The following COX7B2 variants were observed in gnomAD, a reference collection of about 807,000 sequenced individuals.
The protein encoded by COX7B2 is cytochrome c oxidase subunit 7B2, mitochondrial.
For synonymous variants in COX7B2, 37 were observed against 32.1 expected (o/e 1.15, Z -0.51); for missense variants, 109 against 95.9 (o/e 1.14, Z -0.57).
chr4:46,825,271 C>G (rs777055691), intron 2 of COX7B2, among the ~76,000 whole-genome samples: 3 of 152,004 alleles, frequency 2.0e-5, no homozygotes, highest in Non-Finnish European at 4.4e-5. Context: ...GAAAGGCAAT[C>G]CCATTCACAA....
At chr4:46,794,938 G>A (rs977974056) in intron 2 of COX7B2, among the ~76,000 whole-genome samples, 15 of 152,294 alleles carry the variant, frequency 9.8e-5, no homozygotes, top group Admixed American at 8.5e-4. Context: ...GCCCCTCAGT[G>A]AATTCCCAGA....
intron 2 of COX7B2, among the ~76,000 whole-genome samples, chr4:46,754,119 T>C (rs1384809208): frequency 6.6e-6 from 1 of 152,152 alleles, no homozygotes; most frequent in Non-Finnish European, 1.5e-5. Context: ...TTGGTGGGAC[T>C]GTAAACTAGT....
At chr4:46,868,252 T>C (rs1717788803) in intron 1 of COX7B2, among the ~76,000 whole-genome samples, 1 of 152,188 alleles carries the variant, frequency 6.6e-6, no homozygotes, top group Admixed American at 6.5e-5. Flanking sequence ...ATTGTGTTTA[T>C]GTGGATCTTC....
At chr4:46,869,245 T>C (rs1344351333) in intron 1 of COX7B2, among the ~76,000 whole-genome samples, 1 of 152,188 alleles carries the variant, frequency 6.6e-6, no homozygotes, top group Admixed American at 6.5e-5. Flanking sequence ...CATCCCTTTA[T>C]TTTGAGCCTA....
At chr4:46,879,669 T>G (rs1718582529) in intron 1 of COX7B2, among the ~76,000 whole-genome samples, 1 of 151,984 alleles carries the variant, frequency 6.6e-6, no homozygotes, top group Non-Finnish European at 1.5e-5. Flanking sequence ...TCAATACATT[T>G]ATTGTACCGC....
chr4:46,872,574 G>A (rs1423237249), intron 1 of COX7B2, among the ~76,000 whole-genome samples: 1 of 152,144 alleles, frequency 6.6e-6, no homozygotes, highest in Non-Finnish European at 1.5e-5. Flanking sequence ...GGGCTTACCT[G>A]TCCTTCATCA....
intron 1 of COX7B2, among the ~76,000 whole-genome samples, chr4:46,860,955 C>T (rs1313082874): frequency 6.6e-6 from 1 of 152,050 alleles, no homozygotes; most frequent in East Asian, 1.9e-4. Context: ...GGTGAGGGGA[C>T]CCTCACTGGC....
intron 2 of COX7B2, among the ~76,000 whole-genome samples, chr4:46,819,419 C>G: frequency 6.6e-6 from 1 of 151,964 alleles, no homozygotes; most frequent in East Asian, 1.9e-4. Flanking sequence ...AATTACAAAC[C>G]ATGGTTAAAA....
chr4:46,857,998 G>A (rs1353276401), intron 1 of COX7B2, among the ~76,000 whole-genome samples: 5 of 151,876 alleles, frequency 3.3e-5, no homozygotes, highest in Non-Finnish European at 4.4e-5. Flanking sequence ...TTAACTACTC[G>A]AAGCTGGTGG....
At chr4:46,887,258 T>A (rs1719133014) in intron 1 of COX7B2, among the ~76,000 whole-genome samples, 1 of 152,206 alleles carries the variant, frequency 6.6e-6, no homozygotes, top group Non-Finnish European at 1.5e-5. Context: ...AGCAAACACA[T>A]TCTTTTAAGA....
intron 2 of COX7B2, among the ~76,000 whole-genome samples, chr4:46,792,283 T>G (rs1227778328): frequency 6.6e-6 from 1 of 152,224 alleles, no homozygotes; most frequent in African/African-American, 2.4e-5. Flanking sequence ...GCTAATTTCA[T>G]GTATCAGTGT....
At chr4:46,824,949 G>A (rs181135962) in intron 2 of COX7B2, among the ~76,000 whole-genome samples, 5 of 152,152 alleles carry the variant, frequency 3.3e-5, no homozygotes, top group Admixed American at 6.5e-5. Context: ...AACGCTGGAA[G>A]CATTCCCCTT....
intron 2 of COX7B2, among the ~76,000 whole-genome samples, chr4:46,825,084 G>T (rs1268448670): frequency 6.6e-6 from 1 of 151,860 alleles, no homozygotes; most frequent in Non-Finnish European, 1.5e-5. Context: ...TATGAAGAAA[G>T]GAAGTCAAAC....
intron 1 of COX7B2, among the ~76,000 whole-genome samples, chr4:46,865,888 A>G (rs1717632439): frequency 6.6e-6 from 1 of 152,198 alleles, no homozygotes; most frequent in South Asian, 2.1e-4. Context: ...ATGATCCCTT[A>G]GTACACAGAA....
chr4:46,802,472 G>A (rs1318120750), intron 2 of COX7B2, among the ~76,000 whole-genome samples: 2 of 152,160 alleles, frequency 1.3e-5, no homozygotes, highest in Admixed American at 6.5e-5. Context: ...TTGGAGATAT[G>A]TTGATCATAG....
chr4:46,749,182 T>C lies in COX7B2; in HGVS notation c.-49-13941A>G, dbSNP rs560341886. ...TCCCAGTGAACAGCATCTCCATCAT[T>C]TAGCTGAGCAAGTTAAATGTAGAAA... is the stretch of plus-strand genomic sequence containing the variant. On this transcript the variant is annotated intron_variant, in intron 2 of 2. Coordinates refer to ENST00000355591, the MANE Select transcript of COX7B2 (RefSeq NM_130902.3). Among the ~76,000 whole-genome samples, 252 of 152,258 alleles carry C rather than the reference T, an allele frequency of 1.7e-3. 1 individual carries two copies. Among genetic ancestry groups the C allele is most frequent in the Non-Finnish European group, 2.5e-3 (170 of 68,012 alleles).
In COX7B2 at chr4:46,754,720, G is replaced by GTA. The variant is rs1244503006; in HGVS notation, c.-49-19480_-49-19479insTA. Among the ~76,000 whole-genome samples the GTA allele has an allele frequency of 4.4e-3, 162 of 36,820 alleles. 3 individuals carry two copies. Among genetic ancestry groups the GTA allele is most frequent in the African/African-American group, 0.021 (151 of 7,358 alleles). The allele number at this position is 36,820 out of a possible 152,430, so 24.2% of individuals were successfully genotyped here. ...TACGTGTGTGTGTGTGTGTGTGTGTGTGTGTGTGTATATATATATATATAT... is the reference window on the plus strand; with the variant it reads ...TACGTGTGTGTGTGTGTGTGTGTGTGTATGTGTGTGTATATATATATATATAT... On this transcript the variant is annotated intron_variant, in intron 2 of 2. Coordinates refer to ENST00000355591, the MANE Select transcript of COX7B2 (RefSeq NM_130902.3).
In COX7B2 at chr4:46,908,738, C is replaced by CAAAAA. The variant is rs34388680; in HGVS notation, c.-105+417_-105+421dup. On this transcript the variant is annotated intron_variant, in intron 1 of 2. Transcript: ENST00000355591. ...GAAATGAAACAAAAAAGGAAAGTGG[C>CAAAAA]AAAAAAAAAAAAAAAAAATCTGGCC... Among the ~76,000 whole-genome samples, 159 of 121,064 alleles carry CAAAAA rather than the reference C, an allele frequency of 1.3e-3. 2 individuals are homozygous for CAAAAA. Among genetic ancestry groups the CAAAAA allele is most frequent in the African/African-American group, 4.7e-3 (146 of 30,916 alleles). The allele number at this position is 121,064 out of a possible 152,430, so 79.4% of individuals were successfully genotyped here. A position where few individuals can be genotyped will look rare whatever the true frequency, so the allele number is the denominator to read the frequency against.
chr4:46,746,815 GTTAC>G (rs983210847), intron 2 of COX7B2, among the ~76,000 whole-genome samples: 3 of 152,072 alleles, frequency 2.0e-5, no homozygotes, highest in Admixed American at 6.6e-5. Context: ...GCACTACTTT[GTTAC>G]TTAAACTTAT....
Sources: allele counts gnomAD v4.1 joint callset (sites outside exome capture counted in the v4.1 genomes callset), GRCh38; gene constraint gnomAD v4.1.1; transcripts MANE v1.5; gene names NCBI Gene and HGNC (gene_info 2026-07-23, HGNC 2026-07-21).